The following IL31RA variants were observed in gnomAD, a reference collection of about 807,000 sequenced individuals.
IL31RA encodes the protein interleukin-31 receptor subunit alpha.
In IL31RA, 66 loss-of-function variants were observed where a neutral mutation model predicts 83.7. The ratio of observed to expected loss-of-function variants is 0.79; its 90% CI spans 0.65 to 0.97. The LOEUF is 0.97. IL31RA is among the 50% of genes least tolerant of loss of function. IL31RA has a pLI of 0.00. For synonymous variants in IL31RA, 325 were observed against 329.0 expected, an observed-to-expected ratio of 0.99 and a Z score of 0.13; for missense variants, 798 against 919.4, an observed-to-expected ratio of 0.87 and a Z score of 1.71.
At chr5:55,842,899 G>A in the IL31RA span, among the ~76,000 whole-genome samples, 53 of 152,230 alleles carry the variant, frequency 3.5e-4, no homozygotes, top group African/African-American at 1.1e-3. Context: ...AGCCAGTTTC[G>A]TCTGGGATTG....
intron 12 of IL31RA, 43 bp from the exon 13 acceptor site, chr5:55,913,434 G>C: frequency 8.3e-7 from 1 of 1,212,062 alleles, no homozygotes; most frequent in Non-Finnish European, 1.2e-6. Context: ...TTGTCAAGAA[G>C]GTGAGGAACT....
chr5:55,867,912 G>A (rs1378721079), intron 2 of IL31RA, among the ~76,000 whole-genome samples: 1 of 152,090 alleles, frequency 6.6e-6, no homozygotes, highest in South Asian at 2.1e-4. Flanking sequence ...CTCCCCCTGG[G>A]TCCTCCCACA....
At chr5:55,911,766 G>T (rs1379448210) in intron 12 of IL31RA, among the ~76,000 whole-genome samples, 1 of 152,140 alleles carries the variant, frequency 6.6e-6, no homozygotes, top group Non-Finnish European at 1.5e-5. Flanking sequence ...TACTAAAACT[G>T]TCTTAAAGAA....
intron 6 of IL31RA, among the ~76,000 whole-genome samples, chr5:55,894,802 C>T (rs1420605010): frequency 1.3e-5 from 2 of 152,186 alleles, no homozygotes; most frequent in South Asian, 2.1e-4. Flanking sequence ...CCACAATCTC[C>T]GCTTCCCGGG....
chr5:55,902,050 C>T (rs991189519), intron 8 of IL31RA, among the ~76,000 whole-genome samples: 2 of 152,156 alleles, frequency 1.3e-5, no homozygotes, highest in South Asian at 4.2e-4. Context: ...GTGTCAGATA[C>T]GACTGTGTGA....
chr5:55,906,186 G>A lies in IL31RA; in HGVS notation c.1150G>A (p.Val384Met), dbSNP rs138747191. 8.1e-6 allele frequency: 13 copies of A among 1,614,052 alleles called. No individual in the cohort carries two copies. The highest frequency in any genetic ancestry group is 2.2e-5 in the East Asian group (1 of 44,898). Residue 384 changes from valine (V) to methionine (M), a missense_variant, in exon 9 of 15, where the codon GTG becomes ATG. By Grantham distance (21) the Val-to-Met change is conservative (BLOSUM62 1). Coordinates refer to ENST00000652347, the MANE Select transcript of IL31RA (RefSeq NM_139017.7). ...VVKWQSSALDVNTWMIEWFPD... is the reference protein window; with the variant it reads ...VVKWQSSALDMNTWMIEWFPD... Reference sequence around the variant, plus strand: ...GAAGTGGCAAAGCTCTGCTCTAGACGTGAACACTTGGATGATTGAATGGTT... The same window carrying A: ...GAAGTGGCAAAGCTCTGCTCTAGACATGAACACTTGGATGATTGAATGGTT...
intron 5 of IL31RA, among the ~76,000 whole-genome samples, chr5:55,888,860 C>G (rs1211615219): frequency 6.6e-6 from 1 of 152,212 alleles, no homozygotes; most frequent in African/African-American, 2.4e-5. Context: ...CAAAGTCCAT[C>G]TGCGGCTGTC....
At chr5:55,853,620 T>C (rs1462731653) in intron 1 of IL31RA, 2 of 1,534,490 alleles carry the variant, frequency 1.3e-6, no homozygotes, top group Non-Finnish European at 1.8e-6. Context: ...TTTTCTACTT[T>C]ATAAAAGTCT....
chr5:55,888,616 A>G (rs1747786820), intron 5 of IL31RA, among the ~76,000 whole-genome samples: 1 of 152,230 alleles, frequency 6.6e-6, no homozygotes, highest in African/African-American at 2.4e-5. Context: ...TTTATTTTAA[A>G]TCACATATGG....
chr5:55,889,968 A>G lies in IL31RA; in HGVS notation c.607-2A>G, dbSNP rs1747879919. 1 of 1,614,010 alleles carries G rather than the reference A, an allele frequency of 6.2e-7. No homozygotes were observed. Among genetic ancestry groups the G allele is most frequent in the Non-Finnish European group, 8.5e-7 (1 of 1,179,832 alleles). On this transcript the variant is annotated splice_acceptor_variant, in intron 5 of 14. Coordinates refer to ENST00000652347, the MANE Select transcript of IL31RA (RefSeq NM_139017.7). LOFTEE classifies it high-confidence loss of function. The stretch of plus-strand genomic sequence containing the variant: ...CAGTTTAGGATTGTCTCTGTCTTGT[A>G]GATGGAAGTCAACTTCGCTAAGAAC...
At chr5:55,867,333 G>GTA (rs1296191292) in intron 2 of IL31RA, among the ~76,000 whole-genome samples, 15 of 151,628 alleles carry the variant, frequency 9.9e-5, no homozygotes, top group African/African-American at 3.6e-4. Context: ...GTGTGTGTGT[G>GTA]TGTATGTTTA....
At position 55,910,602 on chromosome 5, in the gene IL31RA, T is replaced by C; in HGVS notation, c.1572T>C (p.Val524=). Residue 524 remains valine, a synonymous_variant, in exon 12 of 15, where the codon GTT becomes GTC. Coordinates refer to ENST00000652347, the MANE Select transcript of IL31RA (RefSeq NM_139017.7). ...ESLKRKTSYI[V]QVMASTSAGG... Reference sequence around the variant, plus strand: ...TGAAACGAAAGACCTCTTACATTGTTCAGGTCATGGCCAGCACCAGTGCTG... The same window carrying C: ...TGAAACGAAAGACCTCTTACATTGTCCAGGTCATGGCCAGCACCAGTGCTG... The C allele has an allele frequency of 6.2e-7, 1 of 1,614,038 alleles. No individual in the cohort carries two copies. Among genetic ancestry groups the C allele is most frequent in the Admixed American group, 1.7e-5 (1 of 60,022 alleles).
At chr5:55,854,739 C>T (rs1274353957) in intron 1 of IL31RA, among the ~76,000 whole-genome samples, 1 of 112,400 alleles carries the variant, frequency 8.9e-6, no homozygotes, top group Non-Finnish European at 1.8e-5. Flanking sequence ...AGTGAGACCC[C>T]GTCTCCAGAA....
chr5:55,899,844 C>T (rs1248804631), intron 7 of IL31RA, 72 bp from the exon 8 acceptor site: 1 of 1,054,916 alleles, frequency 9.5e-7, no homozygotes, highest in East Asian at 2.4e-5. Flanking sequence ...CTCACCCCCA[C>T]CGCTTCTCAC....
upstream of IL31RA, among the ~76,000 whole-genome samples, chr5:55,851,106 A>G (rs1745046188): frequency 6.6e-6 from 1 of 152,138 alleles, no homozygotes; most frequent in African/African-American, 2.4e-5. Flanking sequence ...AGAAGAAAAA[A>G]AAAAAGAAAA....
In IL31RA at chr5:55,907,403, A is replaced by G. The variant is rs759351247; in HGVS notation, c.1297A>G (p.Met433Val). Residue 433 changes from methionine (M) to valine (V), a missense_variant, in exon 10 of 15, where the codon ATG becomes GTG. Coordinates refer to ENST00000652347, the MANE Select transcript of IL31RA (RefSeq NM_139017.7). ...FWCYNISVYP[M>V]LHDKVGEPYS... ...GTGCTATAACATCTCTGTGTATCCA[A>G]TGTTGCATGACAAAGTTGGCGAGCC... The G allele has an allele frequency of 3.1e-6, 5 of 1,613,900 alleles. No individual in the cohort carries two copies. The highest frequency in any genetic ancestry group is 4.5e-5 in the East Asian group (2 of 44,884).
At position 55,917,814 on chromosome 5, in the gene IL31RA, G is replaced by A. The variant is rs529774850; in HGVS notation, c.*694G>A. Among the ~76,000 whole-genome samples the A allele has an allele frequency of 1.3e-5, 2 of 152,144 alleles. No homozygotes were observed. Among genetic ancestry groups the A allele is most frequent in the Non-Finnish European group, 2.9e-5 (2 of 68,038 alleles). On this transcript the variant is annotated 3_prime_UTR_variant, in exon 15 of 15. Coordinates refer to ENST00000652347, the MANE Select transcript of IL31RA (RefSeq NM_139017.7). ...CCCTGGGGAATGTATGCTGCCGGGC[G>A]CAGCTCTGTCCAGTCTCCAGGGGGC...
the IL31RA span, among the ~76,000 whole-genome samples, chr5:55,842,379 C>T: frequency 6.6e-6 from 1 of 152,184 alleles, no homozygotes; most frequent in African/African-American, 2.4e-5. Flanking sequence ...ATTGGACCCA[C>T]TATGGGAGGT....
intron 2 of IL31RA, among the ~76,000 whole-genome samples, chr5:55,862,090 G>A (rs1310718463): frequency 6.6e-6 from 1 of 152,156 alleles, no homozygotes; most frequent in African/African-American, 2.4e-5. Flanking sequence ...AGAAATAGGG[G>A]AATATTGCTA....
Sources: allele counts gnomAD v4.1 joint callset (sites outside exome capture counted in the v4.1 genomes callset), GRCh38; gene constraint gnomAD v4.1.1; transcripts MANE v1.5; gene names NCBI Gene and HGNC (gene_info 2026-07-23, HGNC 2026-07-21).